The following CFB variants were observed in gnomAD, a reference collection of about 807,000 sequenced individuals.
CFB encodes B-factor, properdin.
In CFB, 59 loss-of-function variants were observed where a neutral mutation model predicts 97.2. That is an observed-to-expected ratio of 0.61 (90% CI 0.49 to 0.75). The LOEUF (loss-of-function observed/expected upper bound fraction) is 0.75, where lower values mean the gene tolerates loss of function less well. Ranked by LOEUF, CFB falls within the 30% of genes least tolerant of loss-of-function variation. The pLI is 0.00. For missense variants in CFB, 771 were observed against 959.8 expected (o/e 0.80, Z 2.60); for synonymous variants, 316 against 351.7 (o/e 0.90, Z 1.14).
chr6:31,949,754 A>G lies in CFB; in HGVS notation c.1408+197A>G, dbSNP rs1771638226. ...TCACAGAGCTCTGAGCACTTCAGAG[A>G]TCTTTCTATAGTCCTACATTTGACA... On this transcript the variant is annotated intron_variant, in intron 10 of 17. Coordinates refer to ENST00000425368, the MANE Select transcript of CFB (RefSeq NM_001710.6). 9 of 751,774 alleles carry G rather than the reference A, an allele frequency of 1.2e-5. No homozygotes were observed. The South Asian group carries it at 1.4e-4, about 12-fold the overall frequency. The allele number at this position is 751,774 out of a possible 1,614,324, so 46.6% of individuals were successfully genotyped here.
intron 7 of CFB, 57 bp downstream of exon 7, chr6:31,948,569 AG>A (rs1272643033): frequency 1.1e-5 from 18 of 1,610,458 alleles, no homozygotes; most frequent in Non-Finnish European, 1.4e-5. Flanking sequence ...TTCAGGGTGG[AG>A]GGGGTCATGA....
chr6:31,951,780 T>TTCC lies in CFB; in HGVS notation c.2140-93_2140-91dup. The TTCC allele has an allele frequency of 6.3e-7, 1 of 1,599,886 alleles. No homozygotes were observed. The highest frequency in any genetic ancestry group is 8.6e-7 in the Non-Finnish European group (1 of 1,168,260). On this transcript the variant is annotated intron_variant, in intron 17 of 17. Transcript: ENST00000425368. This position sits in a 1 kb window ranked among gnomAD's most constrained non-coding sequence, Gnocchi z 4.3. ...AGGCTGAGCTGGGTCCCTAGTCTGA[T>TTCC]TCCTTTAGGTCAGCTAAGACACAAG...
Position 31,951,199 on chromosome 6 carries a change from G to C in CFB, c.1911G>C (p.Glu637Asp). 1.2e-6 allele frequency: 2 copies of C among 1,613,064 alleles called. No individual in the cohort carries two copies. Among genetic ancestry groups the C allele is most frequent in the Non-Finnish European group, 1.7e-6 (2 of 1,180,008 alleles). Reference sequence around the variant, plus strand: ...AAGCTCTGTTTGTGTCTGAGGAGGAGAAAAAGCTGACTCGGAAGGAGGTCT... The same window carrying C: ...AAGCTCTGTTTGTGTCTGAGGAGGACAAAAAGCTGACTCGGAAGGAGGTCT... ...DIKALFVSEE[E>D]KKLTRKEVYI... Residue 637 changes from glutamate (E) to aspartate (D), a missense_variant, in exon 15 of 18, where the codon GAG (glutamate) becomes GAC (aspartate). By Grantham distance (45) the Glu-to-Asp change is conservative (BLOSUM62 2). Coordinates refer to ENST00000425368, the MANE Select transcript of CFB (RefSeq NM_001710.6). The surrounding 1 kb of genome is among the most constrained non-coding windows in gnomAD (Gnocchi z 4.3).
chr6:31,948,612 T>C, intron 7 of CFB, 100 bp downstream of exon 7: 1 of 1,579,896 alleles, frequency 6.3e-7, no homozygotes, highest in Non-Finnish European at 8.7e-7. Context: ...GAGGACCACT[T>C]TGTAGTCAAA....
chr6:31,948,156 C>T (rs1771553950), intron 6 of CFB, 75 bp downstream of exon 6: 1 of 1,584,374 alleles, frequency 6.3e-7, no homozygotes, highest in Admixed American at 1.8e-5. Context: ...CTGATCATTC[C>T]AGCCCCTCTG....
intron 12 of CFB, 22 bp from the exon 13 acceptor site, chr6:31,950,597 G>C: frequency 6.2e-7 from 1 of 1,612,824 alleles, no homozygotes; most frequent in Non-Finnish European, 8.5e-7. Flanking sequence ...ACAAAGAGGT[G>C]GTACCTACTC....
intron 6 of CFB, 42 bp from the exon 7 acceptor site, chr6:31,948,332 T>G: frequency 6.2e-7 from 1 of 1,613,938 alleles, no homozygotes; most frequent in Non-Finnish European, 8.5e-7. Flanking sequence ...ATCACAGTAT[T>G]CTATTTTCAA....
At position 31,951,815 on chromosome 6, in the gene CFB, C is replaced by T. The variant is rs1460367249; in HGVS notation, c.2140-60C>T. ...TCAGCTAAGACACAAGCAGGAACAG[C>T]CATGCTTCCAGGATTAGGAATTCTA... On this transcript the variant is annotated intron_variant, in intron 17 of 17. Transcript: ENST00000425368. This position sits in a 1 kb window ranked among gnomAD's most constrained non-coding sequence, Gnocchi z 4.3. 1.2e-6 allele frequency: 2 copies of T among 1,610,250 alleles called. No individual in the cohort carries two copies. Among genetic ancestry groups the T allele is most frequent in the Non-Finnish European group, 1.7e-6 (2 of 1,177,670 alleles).
chr6:31,950,545 T>C, intron 12 of CFB, 74 bp from the exon 13 acceptor site: 2 of 1,605,262 alleles, frequency 1.2e-6, no homozygotes, highest in Non-Finnish European at 1.7e-6. Context: ...GGGGAAGACG[T>C]GAAGTTAGGA....
Position 31,947,959 on chromosome 6 carries a change from C to T in CFB, c.775C>T (p.Arg259Trp), listed in dbSNP as rs1484981377. ...CTGGCACCCAGGGGAACAACAGAAG[C>T]GGAAGATCGTCCTGGACCCTTCAGG... ...DGHGPGEQQK[R>W]KIVLDPSGSM... The change falls in exon 6 of 18, where the codon CGG becomes TGG. Residue 259 changes from arginine to tryptophan, a missense_variant. Physicochemically the swap from Arg to Trp is moderately radical, Grantham distance 101 (BLOSUM62 -3). Coordinates refer to ENST00000425368, the MANE Select transcript of CFB (RefSeq NM_001710.6). The surrounding 1 kb of genome is among the most constrained non-coding windows in gnomAD (Gnocchi z 5.3). The T allele has an allele frequency of 1.9e-6, 3 of 1,614,172 alleles. No individual in the cohort carries two copies. Among genetic ancestry groups the T allele is most frequent in the South Asian group, 1.1e-5 (1 of 91,078 alleles).
chr6:31,946,523 A>G lies in CFB; in HGVS notation c.215A>G (p.Gln72Arg). ...TCTGGCTTCTACCCGTACCCTGTGC[A>G]GACACGTACCTGCAGATCTACGGGG... ...CPSGFYPYPV[Q>R]TRTCRSTGSW... Residue 72 changes from glutamine (Q) to arginine (R), a missense_variant, in exon 2 of 18, where the codon CAG becomes CGG. Coordinates refer to ENST00000425368, the MANE Select transcript of CFB (RefSeq NM_001710.6). This position sits in a 1 kb window ranked among gnomAD's most constrained non-coding sequence, Gnocchi z 6.4. 2 of 1,613,064 alleles carry G rather than the reference A, an allele frequency of 1.2e-6. No homozygotes were observed. The highest frequency in any genetic ancestry group is 1.7e-6 in the Non-Finnish European group (2 of 1,180,034).
In CFB at chr6:31,946,910, C is replaced by A; in HGVS notation, c.299-97C>A. The A allele has an allele frequency of 7.8e-7, 1 of 1,280,778 alleles. No individual in the cohort carries two copies. The highest frequency in any genetic ancestry group is 1.1e-6 in the Non-Finnish European group (1 of 883,126). 79.3% of individuals were successfully genotyped at this position (1,280,778 alleles called of 1,614,324 possible). On this transcript the variant is annotated intron_variant, in intron 2 of 17. Coordinates refer to ENST00000425368, the MANE Select transcript of CFB (RefSeq NM_001710.6). This position sits in a 1 kb window ranked among gnomAD's most constrained non-coding sequence, Gnocchi z 6.4. ...TGCTGCTTCTGCGGGACTGGGAATG[C>A]GCTGTTTCTCAGTGACATGGTCTCC...
In CFB at chr6:31,951,327, C is replaced by G; in HGVS notation, c.1957-14C>G. 1 of 1,614,136 alleles carries G rather than the reference C, an allele frequency of 6.2e-7. No individual in the cohort carries two copies. Among genetic ancestry groups the G allele is most frequent in the Non-Finnish European group, 8.5e-7 (1 of 1,180,016 alleles). On this transcript the variant is annotated splice_polypyrimidine_tract_variant and intron_variant, in intron 15 of 17. Transcript: ENST00000425368. The surrounding 1 kb of genome is among the most constrained non-coding windows in gnomAD (Gnocchi z 4.3). ...CTGTTCATTACTTCTCCATGCTTCC[C>G]ACCTCCCCTACAGAAAGGCAGCTGT...
Position 31,952,037 on chromosome 6 carries a change from T to C in CFB, c.*7T>C. The C allele has an allele frequency of 6.2e-7, 1 of 1,612,688 alleles. No individual in the cohort carries two copies. The highest frequency in any genetic ancestry group is 8.5e-7 in the Non-Finnish European group (1 of 1,180,034). ...GGATTTGGGTTTTCTATAAGGGGTTTCCTGCTGGACAGGGGCGTGGGATTG... is the reference window on the plus strand; with the variant it reads ...GGATTTGGGTTTTCTATAAGGGGTTCCCTGCTGGACAGGGGCGTGGGATTG... On this transcript the variant is annotated 3_prime_UTR_variant, in exon 18 of 18. Transcript: ENST00000425368.
Position 31,950,715 on chromosome 6 carries a change from A to G in CFB, c.1721A>G (p.Asp574Gly). ...KKEAGIPEFYDYDVALIKLKN... is the reference protein window; with the variant it reads ...KKEAGIPEFYGYDVALIKLKN... ...GAAGCAGGAATTCCTGAATTTTATG[A>G]CTATGACGTTGCCCTGATCAAGCTC... is the stretch of plus-strand genomic sequence containing the variant. The change falls in exon 13 of 18, where the codon GAC (aspartate) becomes GGC (glycine). Residue 574 changes from aspartate to glycine, a missense_variant. By Grantham distance (94) the Asp-to-Gly change is moderately conservative. Transcript: ENST00000425368. The G allele has an allele frequency of 6.2e-7, 1 of 1,613,054 alleles. No homozygotes were observed. The highest frequency in any genetic ancestry group is 2.2e-5 in the East Asian group (1 of 44,882).
Position 31,948,971 on chromosome 6 carries a change from G to C in CFB, c.1168+10G>C. The C allele has an allele frequency of 4.3e-6, 7 of 1,612,734 alleles. No homozygotes were observed. The East Asian group carries it at 1.6e-4, about 36-fold the overall frequency. On this transcript the variant is annotated intron_variant, in intron 8 of 17. Coordinates refer to ENST00000425368, the MANE Select transcript of CFB (RefSeq NM_001710.6). The stretch of plus-strand genomic sequence containing the variant: ...ATCCTCATGACTGATGGTCAGAAGG[G>C]ACCTCTCTCCTGTCCCAGCCTCCCC...
intron 7 of CFB, 87 bp downstream of exon 7, chr6:31,948,599 A>G: frequency 6.3e-7 from 1 of 1,587,984 alleles, no homozygotes; most frequent in African/African-American, 1.3e-5. Context: ...TGAGGGCGAC[A>G]GGGAGGACCA....
rs1771678343 is a variant in CFB, at chr6:31,950,348, A to G, written c.1569A>G (p.Thr523=). The G allele has an allele frequency of 1.9e-6, 3 of 1,613,020 alleles. No individual in the cohort carries two copies. Among genetic ancestry groups the G allele is most frequent in the South Asian group, 1.1e-5 (1 of 91,094 alleles). Residue 523 remains threonine (T), a synonymous_variant, in exon 12 of 18, where the codon ACA becomes ACG. Coordinates refer to ENST00000425368, the MANE Select transcript of CFB (RefSeq NM_001710.6). ...TGGTGTCTGAGTACTTTGTGCTGAC[A>G]GCAGCACATTGTTTCACTGTGGATG... The part of the protein sequence containing the change: ...GAVVSEYFVL[T]AAHCFTVDDK...
chr6:31,949,599 G>A (rs908003263), intron 10 of CFB, 42 bp downstream of exon 10: 2 of 1,610,388 alleles, frequency 1.2e-6, no homozygotes, highest in Non-Finnish European at 1.7e-6. Context: ...CTCTCCTCAG[G>A]TTCCCCTGAA....
Sources: gnomAD v4.1 joint callset for allele counts on GRCh38, gnomAD v4.1.1 for gene constraint, Gnocchi (gnomAD v3.1) non-coding constraint, MANE v1.5 for transcripts, NCBI Gene and HGNC (gene_info 2026-07-23, HGNC 2026-07-21) for gene names.